Variants in RALA observed in about 807,000 individuals in gnomAD.
RALA encodes ras-related protein Ral-A.
A neutral mutation model predicts 24.0 loss-of-function variants in RALA; 5 were observed. That is an observed-to-expected ratio of 0.21 (90% CI 0.11 to 0.44). The LOEUF (loss-of-function observed/expected upper bound fraction) is 0.44. RALA is among the 20% of genes least tolerant of loss of function. The pLI, the probability that RALA is intolerant of heterozygous loss-of-function variation, is 0.99. For synonymous variants in RALA, 77 were observed against 83.8 expected (o/e 0.92, Z 0.44); for missense variants, 95 against 241.2 (o/e 0.39, Z 4.01).
intron 4 of RALA, among the ~76,000 whole-genome samples, chr7:39,702,379 C>G (rs1362045336): frequency 6.6e-6 from 1 of 152,154 alleles, no homozygotes; most frequent in Non-Finnish European, 1.5e-5. Context: ...TATATACACA[C>G]ACGTAATATA....
At chr7:39,640,849 G>T (rs994740962) in intron 1 of RALA, among the ~76,000 whole-genome samples, 4 of 152,200 alleles carry the variant, frequency 2.6e-5, no homozygotes, top group African/African-American at 9.7e-5. Context: ...TCTTTCAGTT[G>T]TAAGAGCCAG....
intron 1 of RALA, among the ~76,000 whole-genome samples, chr7:39,667,413 G>C (rs1170338468): frequency 6.6e-6 from 1 of 152,224 alleles, no homozygotes; most frequent in Non-Finnish European, 1.5e-5. Context: ...AATGAGAACA[G>C]ATGGAGTGAC....
At position 39,675,091 on chromosome 7, in the gene RALA, G is replaced by T. The variant is rs191550439; in HGVS notation, c.-37-11540G>T. 5.6e-4 allele frequency among the ~76,000 whole-genome samples: 85 copies of T among 152,298 alleles called. No homozygotes were observed. In the East Asian group the frequency reaches 0.011, roughly 20 times the overall value. On this transcript the variant is annotated intron_variant, in intron 1 of 4. Transcript: ENST00000005257. Reference sequence around the variant, plus strand: ...TCTGGCTGCCTTGGCCTCCCAAAGTGCTGGGATTACAGGCGTGAGCCAGTT... The same window carrying T: ...TCTGGCTGCCTTGGCCTCCCAAAGTTCTGGGATTACAGGCGTGAGCCAGTT...
chr7:39,653,021 C>CTAT (rs1006254101), intron 1 of RALA, among the ~76,000 whole-genome samples: 83 of 147,660 alleles, frequency 5.6e-4, no homozygotes, highest in East Asian at 2.0e-3. Context: ...TGGTCTCAAA[C>CTAT]TATTATTATT....
intron 1 of RALA, among the ~76,000 whole-genome samples, chr7:39,636,433 T>C (rs1791685484): frequency 6.6e-6 from 1 of 152,214 alleles, no homozygotes; most frequent in African/African-American, 2.4e-5. Context: ...TTCCTTCATC[T>C]GCTGGGATAC....
At chr7:39,640,082 CTGT>C (rs1791757706) in intron 1 of RALA, among the ~76,000 whole-genome samples, 1 of 152,206 alleles carries the variant, frequency 6.6e-6, no homozygotes, top group Non-Finnish European at 1.5e-5. Flanking sequence ...GGGCCTTGCT[CTGT>C]TGTTCAGGCT....
At chr7:39,630,432 G>A (rs948446637) in intron 1 of RALA, among the ~76,000 whole-genome samples, 10 of 151,974 alleles carry the variant, frequency 6.6e-5, no homozygotes, top group South Asian at 4.2e-4. Context: ...AATATTAACC[G>A]TTTAATTTTG....
intron 1 of RALA, among the ~76,000 whole-genome samples, chr7:39,685,980 C>T (rs1172666981): frequency 4.6e-5 from 7 of 152,054 alleles, no homozygotes; most frequent in East Asian, 1.9e-4. Flanking sequence ...CCAAGGCAGG[C>T]GGATCATTAG....
intron 1 of RALA, among the ~76,000 whole-genome samples, chr7:39,665,689 C>T (rs1792275985): frequency 6.6e-6 from 1 of 150,450 alleles, no homozygotes; most frequent in South Asian, 2.1e-4. Flanking sequence ...TTTTATACCA[C>T]TGACCTTATA....
chr7:39,691,078 C>A (rs564701761), intron 3 of RALA, among the ~76,000 whole-genome samples: 2 of 152,116 alleles, frequency 1.3e-5, no homozygotes, highest in African/African-American at 4.8e-5. Flanking sequence ...TACATGGGAA[C>A]CTTCAGAATG....
At chr7:39,627,921 C>T (rs191294106) in intron 1 of RALA, among the ~76,000 whole-genome samples, 429 of 152,288 alleles carry the variant, frequency 2.8e-3, no homozygotes, top group Non-Finnish European at 3.3e-3. Flanking sequence ...ATATACAAAA[C>T]CTTCAAGATG....
chr7:39,689,102 C>T (rs778238391), intron 2 of RALA, among the ~76,000 whole-genome samples: 6 of 152,170 alleles, frequency 3.9e-5, no homozygotes, highest in Non-Finnish European at 8.8e-5. Context: ...CACCTCCCAC[C>T]TGATCCCTCC....
intron 1 of RALA, among the ~76,000 whole-genome samples, chr7:39,669,716 G>A (rs2116019684): frequency 6.6e-6 from 1 of 151,904 alleles, no homozygotes; most frequent in East Asian, 1.9e-4. Flanking sequence ...TGAGGCAGGA[G>A]GATTGCTTGA....
At chr7:39,673,399 G>A (rs972751492) in intron 1 of RALA, among the ~76,000 whole-genome samples, 5 of 152,128 alleles carry the variant, frequency 3.3e-5, no homozygotes, top group African/African-American at 9.6e-5. Flanking sequence ...CTCAAGAACA[G>A]GTTGTCTTCA....
chr7:39,675,245 G>A (rs577682716), intron 1 of RALA, among the ~76,000 whole-genome samples: 1 of 152,288 alleles, frequency 6.6e-6, no homozygotes, highest in African/African-American at 2.4e-5. Flanking sequence ...GAGCTAGCAG[G>A]GTCCTGGGGA....
At position 39,706,290 on chromosome 7, in the gene RALA, T is replaced by A. The variant is rs778053373; in HGVS notation, c.*45T>A. 6.5e-6 allele frequency: 10 copies of A among 1,550,258 alleles called. No homozygotes were observed. Among genetic ancestry groups the A allele is most frequent in the African/African-American group, 1.4e-5 (1 of 71,670 alleles). On this transcript the variant is annotated 3_prime_UTR_variant, in exon 5 of 5. Coordinates refer to ENST00000005257, the MANE Select transcript of RALA (RefSeq NM_005402.4). ...CTTATCTTGACCATACTAATAAATA[T>A]AATTTATAAGCATTGCCATTGAAGG...
chr7:39,630,612 C>G (rs1583701779), intron 1 of RALA, among the ~76,000 whole-genome samples: 1 of 152,256 alleles, frequency 6.6e-6, no homozygotes, highest in East Asian at 1.9e-4. Context: ...TAGAGAAATT[C>G]ACACATGCTT....
chr7:39,630,493 G>A (rs1791577891), intron 1 of RALA, among the ~76,000 whole-genome samples: 1 of 151,942 alleles, frequency 6.6e-6, no homozygotes, highest in Admixed American at 6.6e-5. Context: ...TGCTTGTGGT[G>A]ATTTTTTGCC....
rs1791584045 is a variant in RALA, at chr7:39,630,745, T to G, written c.-38+6920T>G. 3.9e-5 allele frequency among the ~76,000 whole-genome samples: 6 copies of G among 152,250 alleles called. No homozygotes were observed. In the South Asian group the frequency reaches 1.2e-3, roughly 32 times the overall value. On this transcript the variant is annotated intron_variant, in intron 1 of 4. Coordinates refer to ENST00000005257, the MANE Select transcript of RALA (RefSeq NM_005402.4). ...CCAAGTGGCTATCCAGTTGCCCCAATGACATTTATTTAAAAAAGAAAAAAA... is the reference window on the plus strand; with the variant it reads ...CCAAGTGGCTATCCAGTTGCCCCAAGGACATTTATTTAAAAAAGAAAAAAA...
Sources: allele counts gnomAD v4.1 joint callset (sites outside exome capture counted in the v4.1 genomes callset), GRCh38; gene constraint gnomAD v4.1.1; transcripts MANE v1.5; gene names NCBI Gene and HGNC (gene_info 2026-07-23, HGNC 2026-07-21).